Variants in HMCN1 observed in about 807,000 individuals in gnomAD.
HMCN1 encodes the protein hemicentin-1.
HMCN1 carries 321 observed loss-of-function variants against 625.9 expected under a neutral mutation model. That is an observed-to-expected ratio of 0.51 (90% CI 0.47 to 0.56). HMCN1 has a LOEUF of 0.56. HMCN1 is among the 20% of genes least tolerant of loss of function. The probability of loss-of-function intolerance (pLI) is 0.00; values close to 1 mark genes in which losing one functional copy is unlikely to be tolerated. For synonymous variants in HMCN1, 2,425 were observed against 2,417.6 expected (o/e 1.00, Z -0.09); for missense variants, 6,588 against 6,887.3 (o/e 0.96, Z 1.54).
intron 1 of HMCN1, among the ~76,000 whole-genome samples, chr1:185,834,044 T>C (rs1661028997): frequency 6.6e-6 from 1 of 152,188 alleles, no homozygotes; most frequent in African/African-American, 2.4e-5. Context: ...TTCTGTATAT[T>C]GTTCAAAATT....
In HMCN1 at chr1:186,120,141, C is replaced by T; in HGVS notation, c.12225C>T (p.Val4075=). ...GTALGKIKLN[V]QVPPVISPHL... is the part of the protein sequence containing the mutation. Reference sequence around the variant, plus strand: ...CCTTGGGCAAAATCAAGTTAAATGTCCAAGGTACCTAAATAATTCATCTCT... The same window carrying T: ...CCTTGGGCAAAATCAAGTTAAATGTTCAAGGTACCTAAATAATTCATCTCT... Residue 4075 remains valine, a synonymous_variant, in exon 80 of 107, where the codon GTC becomes GTT. Coordinates refer to ENST00000271588, the MANE Select transcript of HMCN1 (RefSeq NM_031935.3). 6.2e-7 allele frequency: 1 copy of T among 1,613,666 alleles called. No homozygotes were observed. The highest frequency in any genetic ancestry group is 8.5e-7 in the Non-Finnish European group (1 of 1,179,804).
chr1:185,782,267 T>C (rs1657180864), intron 1 of HMCN1, among the ~76,000 whole-genome samples: 1 of 152,236 alleles, frequency 6.6e-6, no homozygotes, highest in Non-Finnish European at 1.5e-5. Flanking sequence ...GTCTCCTGAA[T>C]ACAGCACACT....
intron 4 of HMCN1, among the ~76,000 whole-genome samples, chr1:185,874,099 G>A (rs2102376049): frequency 6.6e-6 from 1 of 151,656 alleles, no homozygotes; most frequent in South Asian, 2.1e-4. Flanking sequence ...TTTTTAAGTA[G>A]TTTAAACCAT....
Position 186,007,183 on chromosome 1 carries a change from C to T in HMCN1, c.4531C>T (p.His1511Tyr). Reference protein sequence around the residue: ...VELLDRGQVLHLKNARRNDKG... With the variant: ...VELLDRGQVLYLKNARRNDKG... ...ACTTCTAGACAGAGGACAAGTCTTA[C>T]ATTTAAAGAATGCACGGAGAAATGA... The change falls in exon 30 of 107, where the codon CAT becomes TAT. Residue 1511 changes from histidine (H) to tyrosine (Y), a missense_variant. Coordinates refer to ENST00000271588, the MANE Select transcript of HMCN1 (RefSeq NM_031935.3). 6.2e-7 allele frequency: 1 copy of T among 1,612,990 alleles called. No individual in the cohort carries two copies. The highest frequency in any genetic ancestry group is 8.5e-7 in the Non-Finnish European group (1 of 1,179,084).
chr1:185,808,152 C>T (rs1190694885), intron 1 of HMCN1, among the ~76,000 whole-genome samples: 1 of 151,926 alleles, frequency 6.6e-6, no homozygotes, highest in Non-Finnish European at 1.5e-5. Flanking sequence ...TTAAGACCAG[C>T]CTGACCAATA....
At position 186,017,068 on chromosome 1, in the gene HMCN1, T is replaced by A. The variant is rs1416231575; in HGVS notation, c.5297T>A (p.Ile1766Asn). 1 of 1,559,232 alleles carries A rather than the reference T, an allele frequency of 6.4e-7. No homozygotes were observed. Among genetic ancestry groups the A allele is most frequent in the African/African-American group, 1.4e-5 (1 of 73,822 alleles). ...CHVTGSPPPTIMWLKDGQLID... is the reference protein window; with the variant it reads ...CHVTGSPPPTNMWLKDGQLID... Reference sequence around the variant, plus strand: ...GTGACAGGCTCTCCCCCACCAACTATCATGTAAGGGTTTTGGTATGTCTTC... The same window carrying A: ...GTGACAGGCTCTCCCCCACCAACTAACATGTAAGGGTTTTGGTATGTCTTC... The change falls in exon 33 of 107, where the codon ATC becomes AAC. Residue 1766 changes from isoleucine (I) to asparagine (N), a missense_variant. Around this residue, in one of 3 missense-constraint regions of HMCN1, gnomAD observed 4,628 missense variants for 4,853.1 expected, o/e 0.95. Coordinates refer to ENST00000271588, the MANE Select transcript of HMCN1 (RefSeq NM_031935.3).
At chr1:185,871,487 G>A (rs947420483) in intron 4 of HMCN1, among the ~76,000 whole-genome samples, 1 of 152,094 alleles carries the variant, frequency 6.6e-6, no homozygotes, top group Non-Finnish European at 1.5e-5. Flanking sequence ...AGAACATATC[G>A]ATAAATATTA....
chr1:185,905,369 GC>G (rs1666038836), intron 4 of HMCN1, among the ~76,000 whole-genome samples: 1 of 151,648 alleles, frequency 6.6e-6, no homozygotes, highest in South Asian at 2.1e-4. Context: ...TATGGTGTCT[GC>G]CCTCATAGAA....
chr1:186,117,157 A>G, intron 76 of HMCN1, 42 bp downstream of exon 76: 1 of 1,610,076 alleles, frequency 6.2e-7, no homozygotes, highest in Non-Finnish European at 8.5e-7. Context: ...TGATAATGCT[A>G]TCACTTCGTT....
chr1:185,862,571 T>C (rs1662940371), intron 2 of HMCN1, among the ~76,000 whole-genome samples: 1 of 152,122 alleles, frequency 6.6e-6, no homozygotes, highest in Non-Finnish European at 1.5e-5. Flanking sequence ...CACCCAGGAA[T>C]AGAGGTCTAA....
intron 1 of HMCN1, among the ~76,000 whole-genome samples, chr1:185,810,636 A>G (rs1027741381): frequency 1.3e-5 from 2 of 148,950 alleles, no homozygotes; most frequent in Non-Finnish European, 3.0e-5. Context: ...AAGAGTGACA[A>G]CTAAATAAAT....
At chr1:185,921,898 G>C (rs552849858) in intron 6 of HMCN1, among the ~76,000 whole-genome samples, 1 of 152,280 alleles carries the variant, frequency 6.6e-6, no homozygotes, top group African/African-American at 2.4e-5. Context: ...AGGATGCCAG[G>C]TTGCCAAAAT....
intron 1 of HMCN1, among the ~76,000 whole-genome samples, chr1:185,783,396 C>T (rs184679318): frequency 3.3e-5 from 5 of 152,262 alleles, no homozygotes; most frequent in Admixed American, 2.6e-4. Context: ...TGAGGAGCTA[C>T]GTTTCTTTGG....
At chr1:186,180,458 A>G (rs938450279) in intron 104 of HMCN1, among the ~76,000 whole-genome samples, 1 of 152,008 alleles carries the variant, frequency 6.6e-6, no homozygotes, top group African/African-American at 2.4e-5. Flanking sequence ...ATTTAGCCAC[A>G]CCCTCCACAC....
At chr1:186,150,852 T>C (rs1650617915) in intron 93 of HMCN1, among the ~76,000 whole-genome samples, 1 of 151,978 alleles carries the variant, frequency 6.6e-6, no homozygotes, top group South Asian at 2.1e-4. Flanking sequence ...TTTACCATCA[T>C]GCATGACATG....
At chr1:185,811,556 A>G (rs967269043) in intron 1 of HMCN1, among the ~76,000 whole-genome samples, 2 of 152,078 alleles carry the variant, frequency 1.3e-5, no homozygotes, top group Non-Finnish European at 1.5e-5. Context: ...CCACTGCACC[A>G]CTGTGCTCCA....
intron 1 of HMCN1, among the ~76,000 whole-genome samples, chr1:185,841,075 A>G (rs1476752364): frequency 6.6e-6 from 1 of 152,176 alleles, no homozygotes; most frequent in Non-Finnish European, 1.5e-5. Context: ...AAAATATTAC[A>G]TTGTGAATTT....
At position 185,734,485 on chromosome 1, in the gene HMCN1, C is replaced by T. The variant is rs937279440; in HGVS notation, c.-295C>T. 7.9e-6 allele frequency: 3 copies of T among 378,294 alleles called. No individual in the cohort carries two copies. The highest frequency in any genetic ancestry group is 4.2e-5 in the Admixed American group (1 of 23,638). The allele number at this position is 378,294 out of a possible 1,614,324, so 23.4% of individuals were successfully genotyped here. A position where few individuals can be genotyped will look rare whatever the true frequency, so the allele number is the denominator to read the frequency against. On this transcript the variant is annotated 5_prime_UTR_variant, in exon 1 of 107. Transcript: ENST00000271588. ...CTCAGAGCTGCCCCCGGGGCATGGACCCGACGCGCCGCCCGCACTCCGCCA... is the reference window on the plus strand; with the variant it reads ...CTCAGAGCTGCCCCCGGGGCATGGATCCGACGCGCCGCCCGCACTCCGCCA...
At chr1:186,026,321 C>T (rs1655052759) in intron 36 of HMCN1, among the ~76,000 whole-genome samples, 1 of 152,134 alleles carries the variant, frequency 6.6e-6, no homozygotes, top group Admixed American at 6.5e-5. Flanking sequence ...AGACACCATG[C>T]ATTGAAATAC....
Sources: allele counts gnomAD v4.1 joint callset (sites outside exome capture counted in the v4.1 genomes callset), GRCh38; gene constraint gnomAD v4.1.1; regional missense constraint gnomAD v4.1.1; transcripts MANE v1.5; gene names NCBI Gene and HGNC (gene_info 2026-07-23, HGNC 2026-07-21).